The following CD300C variants were observed in gnomAD, a reference collection of about 807,000 sequenced individuals.
CD300C encodes CD300c molecule, also known as CMRF35-like molecule 6.
CD300C carries 11 observed loss-of-function variants against 18.4 expected under a neutral mutation model. The ratio of observed to expected loss-of-function variants is 0.60; its 90% CI spans 0.38 to 0.99. CD300C has a LOEUF of 0.99. Ranked by LOEUF, CD300C falls within the 50% of genes least tolerant of loss-of-function variation. The pLI, the probability that CD300C is intolerant of heterozygous loss-of-function variation, is 0.01. For missense variants in CD300C, 277 were observed against 287.4 expected (o/e 0.96, Z 0.26); for synonymous variants, 116 against 116.3 (o/e 1.00, Z 0.02).
chr17:74,536,477 G>A (rs1429601862), downstream of CD300C, among the ~76,000 whole-genome samples: 1 of 145,284 alleles, frequency 6.9e-6, no homozygotes, highest in Non-Finnish European at 1.5e-5. Flanking sequence ...AGCTTGCAGT[G>A]AGCCGAGATC....
Position 74,541,493 on chromosome 17 carries a change from TGTG to T in CD300C, c.*93_*95del, listed in dbSNP as rs1380661371. The T allele has an allele frequency of 6.2e-6, 5 of 804,416 alleles. No homozygotes were observed. The highest frequency in any genetic ancestry group is 5.1e-5 in the African/African-American group (3 of 59,380). The allele number at this position is 804,416 out of a possible 1,614,324, so 49.8% of individuals were successfully genotyped here. A position where few individuals can be genotyped will look rare whatever the true frequency, so the allele number is the denominator to read the frequency against. On this transcript the variant is annotated 3_prime_UTR_variant, in exon 4 of 4. Transcript: ENST00000330793. ...GAGGCTCACAAAGGATTCCAGGAGATGTGGAGAGAGCAGCCCGGGAGGGAGTGG... is the reference window on the plus strand; with the variant it reads ...GAGGCTCACAAAGGATTCCAGGAGATGAGAGAGCAGCCCGGGAGGGAGTGG...
At chr17:74,537,969 T>C (rs966652235), downstream of CD300C, among the ~76,000 whole-genome samples, 2 of 152,182 alleles carry the variant, frequency 1.3e-5, no homozygotes, top group African/African-American at 4.8e-5. Flanking sequence ...TGTGGTTTTC[T>C]GAGAGAAGGA....
intron 3 of CD300C, among the ~76,000 whole-genome samples, chr17:74,542,459 C>A (rs1311017890): frequency 2.0e-5 from 3 of 152,236 alleles, no homozygotes; most frequent in Admixed American, 1.3e-4. Context: ...CTTGAGGTCT[C>A]TGTGCTCATG....
chr17:74,538,211 T>C (rs930236400), downstream of CD300C, among the ~76,000 whole-genome samples: 4 of 152,132 alleles, frequency 2.6e-5, no homozygotes, highest in Non-Finnish European at 5.9e-5. Context: ...AGAGGGAGTA[T>C]GTTGCTTGGC....
rs1194444702 is a variant in CD300C at position 74,544,892 on chromosome 17, C to T, written c.117G>A (p.Leu39=). 5.6e-6 allele frequency: 9 copies of T among 1,613,332 alleles called. No homozygotes were observed. The highest frequency in any genetic ancestry group is 7.6e-6 in the Non-Finnish European group (9 of 1,179,496). The change falls in exon 2 of 4, where the codon CTG becomes CTA. Residue 39 remains leucine, a synonymous_variant. Coordinates refer to ENST00000330793, the MANE Select transcript of CD300C (RefSeq NM_006678.5). ...MTVAGPVGGS[L]SVQCRYEKEH... is the part of the protein sequence containing the mutation. ...CCTTCTCATAGCGACACTGCACACT[C>T]AGGGATCCCCCCACGGGGCCCGCCA...
downstream of CD300C, among the ~76,000 whole-genome samples, chr17:74,539,804 A>T (rs1280345060): frequency 6.6e-6 from 1 of 151,912 alleles, no homozygotes; most frequent in Non-Finnish European, 1.5e-5. Flanking sequence ...GGTCCTCATG[A>T]CCCATTTCAC....
chr17:74,536,020 A>G, the CD300C span, among the ~76,000 whole-genome samples: 43 of 152,338 alleles, frequency 2.8e-4, no homozygotes, highest in African/African-American at 9.4e-4. Context: ...AAAATGGATT[A>G]TTATCTCAGC....
Position 74,544,762 on chromosome 17 carries a change from A to G in CD300C, c.247T>C (p.Ser83Pro). The change falls in exon 2 of 4, where the codon TCC (serine) becomes CCC (proline). Residue 83 changes from serine to proline, a missense_variant. By Grantham distance (74) the Ser-to-Pro change is moderately conservative. Transcript: ENST00000330793. The part of the protein sequence containing the change: ...GSAGKRNGRV[S>P]IRDSPANLSF... ...AGGTTTGCAGGACTGTCCCTGATGGACACTCGGCCATTCCTTTTCCCTGCT... is the reference window on the plus strand; with the variant it reads ...AGGTTTGCAGGACTGTCCCTGATGGGCACTCGGCCATTCCTTTTCCCTGCT... The G allele has an allele frequency of 6.2e-7, 1 of 1,614,230 alleles. No homozygotes were observed. The highest frequency in any genetic ancestry group is 1.6e-4 in the Middle Eastern group (1 of 6,062).
At chr17:74,537,379 C>T (rs1178441598), downstream of CD300C, among the ~76,000 whole-genome samples, 1 of 152,126 alleles carries the variant, frequency 6.6e-6, no homozygotes, top group Non-Finnish European at 1.5e-5. Flanking sequence ...GGTCCAGGCA[C>T]TGTGGCTCAC....
chr17:74,543,106 G>C, intron 2 of CD300C, 119 bp from the exon 3 acceptor site: 1 of 1,387,196 alleles, frequency 7.2e-7, no homozygotes, highest in Non-Finnish European at 1.0e-6. Flanking sequence ...CAGATGCCCT[G>C]CATCCATCAT....
Position 74,541,441 on chromosome 17 carries a change from G to T in CD300C, c.*148C>A, listed in dbSNP as rs1352089688. 1.5e-6 allele frequency: 1 copy of T among 679,774 alleles called. No homozygotes were observed. The highest frequency in any genetic ancestry group is 1.8e-5 in the African/African-American group (1 of 56,656). 42.1% of individuals were successfully genotyped at this position (679,774 alleles called of 1,614,324 possible). ...CGTCAGGTTCACATGTGACACATGAGGATCGGGCACAGGGAAAAGGCTGAA... is the reference window on the plus strand; with the variant it reads ...CGTCAGGTTCACATGTGACACATGATGATCGGGCACAGGGAAAAGGCTGAA... On this transcript the variant is annotated 3_prime_UTR_variant, in exon 4 of 4. Transcript: ENST00000330793.
In CD300C at chr17:74,541,331, C is replaced by T. The variant is rs1412894368; in HGVS notation, c.*258G>A. ...AGGGTGCAGGGAGGGCATCCGGGCA[C>T]TCAGAGGTATTGCTGACGGCCCGAG... On this transcript the variant is annotated 3_prime_UTR_variant, in exon 4 of 4. Coordinates refer to ENST00000330793, the MANE Select transcript of CD300C (RefSeq NM_006678.5). The T allele has an allele frequency of 4.7e-6, 2 of 422,028 alleles. No homozygotes were observed. The highest frequency in any genetic ancestry group is 8.9e-5 in the East Asian group (2 of 22,356). 26.1% of individuals were successfully genotyped at this position (422,028 alleles called of 1,614,324 possible). A position where few individuals can be genotyped will look rare whatever the true frequency, so the allele number is the denominator to read the frequency against.
chr17:74,544,469 T>G (rs1908676330), intron 2 of CD300C, 140 bp downstream of exon 2: 2 of 842,848 alleles, frequency 2.4e-6, no homozygotes, highest in Non-Finnish European at 3.7e-6. Context: ...GCACTCACAC[T>G]CATCCACACA....
downstream of CD300C, among the ~76,000 whole-genome samples, chr17:74,538,284 G>A (rs563754580): frequency 1.4e-3 from 210 of 152,256 alleles, 1 homozygote; most frequent in African/African-American, 4.8e-3. Context: ...CCTCCCCACC[G>A]AGCTTCTCTG....
At chr17:74,538,857 G>A (rs193143342), downstream of CD300C, among the ~76,000 whole-genome samples, 2 of 152,236 alleles carry the variant, frequency 1.3e-5, no homozygotes, top group South Asian at 2.1e-4. Context: ...ATTTATGGTT[G>A]TTGAGCGGCG....
intron 1 of CD300C, among the ~76,000 whole-genome samples, chr17:74,545,395 T>C (rs779947817): frequency 3.9e-5 from 6 of 151,984 alleles, no homozygotes; most frequent in Non-Finnish European, 8.8e-5. Flanking sequence ...TGTGTGAGTG[T>C]GACCGTGTGT....
chr17:74,541,558 T>C lies in CD300C; in HGVS notation c.*31A>G. On this transcript the variant is annotated 3_prime_UTR_variant, in exon 4 of 4. Transcript: ENST00000330793. ...TTCCAGTCCCCCAGAGGGGCTCTGT[T>C]GCAGCACAGGGCCTTGATGGACAGC... The C allele has an allele frequency of 6.6e-7, 1 of 1,519,154 alleles. No individual in the cohort carries two copies. Among genetic ancestry groups the C allele is most frequent in the Non-Finnish European group, 9.1e-7 (1 of 1,093,604 alleles). The allele number at this position is 1,519,154 out of a possible 1,614,324, so 94.1% of individuals were successfully genotyped here. A position where few individuals can be genotyped will look rare whatever the true frequency, so the allele number is the denominator to read the frequency against.
intron 1 of CD300C, 91 bp downstream of exon 1, chr17:74,545,631 C>T: frequency 9.7e-7 from 1 of 1,029,170 alleles, no homozygotes; most frequent in Non-Finnish European, 1.5e-6. Flanking sequence ...TGCCCCACTC[C>T]CCTCTATGAC....
downstream of CD300C, among the ~76,000 whole-genome samples, chr17:74,539,851 G>A (rs1324509730): frequency 6.6e-6 from 1 of 152,178 alleles, no homozygotes; most frequent in Non-Finnish European, 1.5e-5. Flanking sequence ...TTGTTGGTGG[G>A]TTTCGTCTGG....
Sources: allele counts gnomAD v4.1 joint callset (sites outside exome capture counted in the v4.1 genomes callset), GRCh38; gene constraint gnomAD v4.1.1; transcripts MANE v1.5; gene names NCBI Gene and HGNC (gene_info 2026-07-23, HGNC 2026-07-21).